The following MOBP variants were observed in gnomAD, a reference collection of about 807,000 sequenced individuals.
MOBP encodes myelin associated oligodendrocyte basic protein, also known as myelin-associated oligodendrocyte basic protein.
A neutral mutation model predicts 15.0 loss-of-function variants in MOBP; 5 were observed. That is an observed-to-expected ratio of 0.33 (90% CI 0.17 to 0.70). The LOEUF (loss-of-function observed/expected upper bound fraction) is 0.70. Among genes scored for constraint, MOBP ranks in the 30% least tolerant of loss-of-function variants. MOBP has a pLI of 0.67. For missense variants in MOBP, 188 were observed against 257.8 expected (o/e 0.73, Z 1.85); for synonymous variants, 88 against 99.0 (o/e 0.89, Z 0.66).
At chr3:39,485,347 T>C (rs549982002) in intron 2 of MOBP, among the ~76,000 whole-genome samples, 1 of 152,202 alleles carries the variant, frequency 6.6e-6, no homozygotes, top group East Asian at 1.9e-4. Context: ...TGTTTTTTAC[T>C]GTGTAAATCT....
At chr3:39,492,624 AT>A (rs1201282363) in intron 2 of MOBP, among the ~76,000 whole-genome samples, 1 of 152,242 alleles carries the variant, frequency 6.6e-6, no homozygotes, top group Admixed American at 6.5e-5. Context: ...ATTTGAATAA[AT>A]TTGAAATTTC....
intron 4 of MOBP, among the ~76,000 whole-genome samples, chr3:39,508,954 C>T (rs583083): frequency 0.31 from 46,872 of 152,082 alleles, 9,474 homozygotes; most frequent in African/African-American, 0.58. Flanking sequence ...ACTATATATA[C>T]AGGCATCCCT....
chr3:39,524,728 T>G (rs1451029743), exon 5 of MOBP: 1 of 152,128 alleles, frequency 6.6e-6, no homozygotes, highest in Non-Finnish European at 1.5e-5. Flanking sequence ...ATAGAAAAAG[T>G]AGGTACACGT....
At chr3:39,520,068 T>C (rs567895075), downstream of MOBP, among the ~76,000 whole-genome samples, 25 of 152,206 alleles carry the variant, frequency 1.6e-4, no homozygotes, top group African/African-American at 5.8e-4. Flanking sequence ...CTCTGGACTT[T>C]ATACCCTCTT....
intron 2 of MOBP, among the ~76,000 whole-genome samples, chr3:39,488,904 G>A (rs1439611498): frequency 6.6e-6 from 1 of 152,138 alleles, no homozygotes; most frequent in African/African-American, 2.4e-5. Flanking sequence ...ATGTTGCAAG[G>A]AGCTTGAGTG....
At chr3:39,477,573 A>C (rs991320923) in intron 1 of MOBP, among the ~76,000 whole-genome samples, 2 of 151,672 alleles carry the variant, frequency 1.3e-5, no homozygotes, top group African/African-American at 2.4e-5. Context: ...ATTATAATAC[A>C]CTTTTTATTG....
rs557046707 is a variant in MOBP at position 39,481,408 on chromosome 3, C to G, written c.-5+1285C>G. ...CTTCTCTCTTCTAACAAAGACCAAC[C>G]ATTTTGCATGTGCTCTGCACTCTAG... On this transcript the variant is annotated intron_variant, in intron 2 of 3. Coordinates refer to ENST00000684792, the MANE Select transcript of MOBP (RefSeq NM_001393704.1). Among the ~76,000 whole-genome samples, 184 of 152,306 alleles carry G rather than the reference C, an allele frequency of 1.2e-3. 1 individual carries two copies. Among genetic ancestry groups the G allele is most frequent in the African/African-American group, 4.3e-3 (177 of 41,562 alleles).
chr3:39,500,598 C>A (rs1325698874), intron 2 of MOBP, among the ~76,000 whole-genome samples: 5 of 151,878 alleles, frequency 3.3e-5, no homozygotes, highest in African/African-American at 1.2e-4. Flanking sequence ...AGTCATTTTT[C>A]CTTGGGAGGA....
At chr3:39,523,611 AATTTCTTGAT>A (rs1215821865) in intron 3 of MOBP, among the ~76,000 whole-genome samples, 1 of 152,124 alleles carries the variant, frequency 6.6e-6, no homozygotes, top group Admixed American at 6.5e-5. Flanking sequence ...ACATACACTC[AATTTCTTGAT>A]ATTTCTTCTT....
At chr3:39,515,922 C>G (rs925099794) in exon 5 of MOBP, 5 of 152,158 alleles carry the variant, frequency 3.3e-5, no homozygotes, top group African/African-American at 1.2e-4. Context: ...CCATGATTGC[C>G]AACACCTGTT....
rs567921768 is a variant in MOBP, at chr3:39,502,818, C to T, written c.490C>T (p.Pro164Ser). The T allele has an allele frequency of 1.3e-6, 2 of 1,530,772 alleles. No individual in the cohort carries two copies. Among genetic ancestry groups the T allele is most frequent in the Admixed American group, 3.9e-5 (2 of 50,732 alleles). The allele number at this position is 1,530,772 out of a possible 1,614,324, so 94.8% of individuals were successfully genotyped here. A position where few individuals can be genotyped will look rare whatever the true frequency, so the allele number is the denominator to read the frequency against. Reference sequence around the variant, plus strand: ...GTCCAAGCAACAGCCGCGCAGCAGCCCCCTCAGAGGGCCAGGCGCCAGCCG... The same window carrying T: ...GTCCAAGCAACAGCCGCGCAGCAGCTCCCTCAGAGGGCCAGGCGCCAGCCG... ...QKSKQQPRSSPLRGPGASRGG... is the reference protein window; with the variant it reads ...QKSKQQPRSSSLRGPGASRGG... Residue 164 changes from proline to serine, a missense_variant, in exon 4 of 4, where the codon CCC (proline) becomes TCC (serine). This residue lies in a region of MOBP where 55 missense variants were observed against 45.2 expected (regional missense o/e 1.22). Transcript: ENST00000684792. The surrounding 1 kb of genome is among the most constrained non-coding windows in gnomAD (Gnocchi z 6.3).
chr3:39,486,995 C>G (rs2042719876), intron 2 of MOBP, among the ~76,000 whole-genome samples: 1 of 149,646 alleles, frequency 6.7e-6, no homozygotes, highest in East Asian at 2.0e-4. Context: ...GGCTAGAGTG[C>G]AGTGGTGTGA....
At chr3:39,486,416 A>G (rs1168227218) in intron 2 of MOBP, among the ~76,000 whole-genome samples, 1 of 152,120 alleles carries the variant, frequency 6.6e-6, no homozygotes, top group African/African-American at 2.4e-5. Flanking sequence ...AGGGTAGTCC[A>G]TCCATTTCCC....
Position 39,469,151 on chromosome 3 carries a change from CAT to C in MOBP, c.-89+1414_-89+1415del, listed in dbSNP as rs201764823. Among the ~76,000 whole-genome samples the C allele has an allele frequency of 2.3e-3, 157 of 68,582 alleles. 40 individuals are homozygous for C. The highest frequency in any genetic ancestry group is 0.016 in the African/African-American group (125 of 7,762). The allele number at this position is 68,582 out of a possible 152,430, so 45.0% of individuals were successfully genotyped here. On this transcript the variant is annotated intron_variant, in intron 1 of 3. Transcript: ENST00000684792. ...ATATGTGTGTGTATATACATATATA[CAT>C]ATGTGTGTGTGTATACATATATACA... is the stretch of plus-strand genomic sequence containing the variant.
chr3:39,491,525 A>T (rs2042795155), intron 2 of MOBP, among the ~76,000 whole-genome samples: 1 of 141,628 alleles, frequency 7.1e-6, no homozygotes. Context: ...GGAAATAGCA[A>T]AATAATATAT....
chr3:39,478,951 T>G (rs2042583839), intron 1 of MOBP, among the ~76,000 whole-genome samples: 1 of 151,988 alleles, frequency 6.6e-6, no homozygotes, highest in Non-Finnish European at 1.5e-5. Flanking sequence ...TGCCTCAGCC[T>G]CCTGAGTAGC....
chr3:39,504,445 A>G (rs2043022864), downstream of MOBP, among the ~76,000 whole-genome samples: 1 of 152,226 alleles, frequency 6.6e-6, no homozygotes, highest in Admixed American at 6.5e-5. Context: ...CCTAACCTGG[A>G]TCAGTGTATT....
downstream of MOBP, chr3:39,529,135 A>G (rs2043363800): frequency 6.6e-6 from 1 of 152,226 alleles, no homozygotes; most frequent in African/African-American, 2.4e-5. Flanking sequence ...TGATAAACAC[A>G]AAACAGCAAG....
rs1326510663 is a variant in MOBP at position 39,502,352 on chromosome 3, C to G, written c.206+77C>G. 1.9e-6 allele frequency: 3 copies of G among 1,592,966 alleles called. No homozygotes were observed. Among genetic ancestry groups the G allele is most frequent in the African/African-American group, 1.3e-5 (1 of 74,538 alleles). On this transcript the variant is annotated intron_variant, in intron 3 of 3. Coordinates refer to ENST00000684792, the MANE Select transcript of MOBP (RefSeq NM_001393704.1). The surrounding 1 kb of genome is among the most constrained non-coding windows in gnomAD (Gnocchi z 6.3). Reference sequence around the variant, plus strand: ...GGCTCCCAGCACGCCCCTCCCGCTCCGCACCCCACTCTTCCCCCTAGTCGG... The same window carrying G: ...GGCTCCCAGCACGCCCCTCCCGCTCGGCACCCCACTCTTCCCCCTAGTCGG...
Sources: allele counts gnomAD v4.1 joint callset (sites outside exome capture counted in the v4.1 genomes callset), GRCh38; gene constraint gnomAD v4.1.1; regional missense constraint gnomAD v4.1.1; non-coding constraint Gnocchi (gnomAD v3.1); transcripts MANE v1.5; gene names NCBI Gene and HGNC (gene_info 2026-07-23, HGNC 2026-07-21).